Variants in SCGN observed in about 807,000 individuals in gnomAD.
SCGN encodes the protein secretagogin, EF-hand calcium binding protein.
Under a neutral mutation model 39.7 loss-of-function variants are expected in SCGN, and 30 were observed. That is an observed-to-expected ratio of 0.76 (90% confidence interval 0.57 to 1.03). SCGN has a LOEUF of 1.03. Ranked by LOEUF, SCGN falls within the 50% of genes least tolerant of loss-of-function variation. The pLI is 0.00. For synonymous variants in SCGN, 106 were observed against 114.1 expected (o/e 0.93, Z 0.45); for missense variants, 353 against 349.4 (o/e 1.01, Z -0.08).
intron 2 of SCGN, among the ~76,000 whole-genome samples, chr6:25,658,003 C>CTTTTTTTTTTTTTTT (rs759915721): frequency 5.7e-5 from 4 of 70,404 alleles, no homozygotes; most frequent in Non-Finnish European, 8.2e-5. Context: ...GAAAGGTATC[C>CTTTTTTTTTTTTTTT]TTTTTTTTTT....
chr6:25,684,029 A>G (rs1759670757), intron 7 of SCGN, among the ~76,000 whole-genome samples: 1 of 152,210 alleles, frequency 6.6e-6, no homozygotes, highest in South Asian at 2.1e-4. Context: ...TTTCCATGCA[A>G]TGCCAGAAAC....
chr6:25,681,897 C>A, intron 6 of SCGN, 54 bp from the exon 7 acceptor site: 1 of 1,442,888 alleles, frequency 6.9e-7, no homozygotes, highest in East Asian at 2.3e-5. Flanking sequence ...GCTTTAATAA[C>A]GTTCAGAATT....
At position 25,652,447 on chromosome 6, in the gene SCGN, C is replaced by G. The variant is rs1163930497; in HGVS notation, c.44C>G (p.Ala15Gly). The G allele has an allele frequency of 6.2e-7, 1 of 1,614,022 alleles. No homozygotes were observed. The highest frequency in any genetic ancestry group is 1.3e-5 in the African/African-American group (1 of 74,934). ...CCGACTCTGGGGCGCTTGGACGCCG[C>G]TGGCTTCTGGCAGGTCTGGCAGCGC... is the stretch of plus-strand genomic sequence containing the variant. ...REPTLGRLDA[A>G]GFWQVWQRFD... The change falls in exon 1 of 11, where the codon GCT (alanine) becomes GGT (glycine). Residue 15 changes from alanine to glycine, a missense_variant. Coordinates refer to ENST00000377961, the MANE Select transcript of SCGN (RefSeq NM_006998.4).
At chr6:25,675,357 C>G (rs563818388) in intron 6 of SCGN, among the ~76,000 whole-genome samples, 1 of 152,192 alleles carries the variant, frequency 6.6e-6, no homozygotes, top group Non-Finnish European at 1.5e-5. Flanking sequence ...GAGATAAGCC[C>G]GTGCCCAGGC....
chr6:25,681,281 C>A (rs1759634031), intron 6 of SCGN, among the ~76,000 whole-genome samples: 1 of 152,234 alleles, frequency 6.6e-6, no homozygotes, highest in South Asian at 2.1e-4. Flanking sequence ...TGAGGTTTCT[C>A]CTATACCCTA....
Position 25,689,184 on chromosome 6 carries a change from T to G in SCGN, c.540T>G (p.Leu180=). Residue 180 remains leucine, a synonymous_variant, in exon 8 of 11, where the codon CTT becomes CTG. Transcript: ENST00000377961. ...DLNDLARILA[L]QENFLLQFKM... The stretch of plus-strand genomic sequence containing the variant: ...TTTTTCTATTTAGGATTCTGGCTCT[T>G]CAGGAAAACTTCCTTCTCCAATTTA... The G allele has an allele frequency of 6.3e-7, 1 of 1,595,732 alleles. No homozygotes were observed.
At chr6:25,670,120 C>A in intron 6 of SCGN, 44 bp downstream of exon 6, 1 of 1,343,128 alleles carries the variant, frequency 7.4e-7, no homozygotes, top group Non-Finnish European at 1.1e-6. Flanking sequence ...AGCTCCCCCA[C>A]TCCCTCCCCA....
At chr6:25,686,309 G>C (rs1430914876) in intron 7 of SCGN, among the ~76,000 whole-genome samples, 1 of 152,090 alleles carries the variant, frequency 6.6e-6, no homozygotes, top group African/African-American at 2.4e-5. Context: ...TTCTAAAGTG[G>C]CTGCACCATT....
chr6:25,690,228 G>A (rs958999309), intron 9 of SCGN, among the ~76,000 whole-genome samples: 2 of 152,180 alleles, frequency 1.3e-5, no homozygotes, highest in East Asian at 3.8e-4. Context: ...TACCTATGTG[G>A]CCTTGGGCAG....
Position 25,655,984 on chromosome 6 carries a change from G to A in SCGN, c.153+2532G>A, listed in dbSNP as rs533239480. 3.3e-5 allele frequency among the ~76,000 whole-genome samples: 5 copies of A among 152,272 alleles called. No homozygotes were observed. In the East Asian group the frequency reaches 9.6e-4, roughly 29 times the overall value. ...CATTGGATGCCTTTCAAAACGCTGA[G>A]GCATTACTCTGGGGAGTGTGTTTGC... On this transcript the variant is annotated intron_variant, in intron 2 of 10. Coordinates refer to ENST00000377961, the MANE Select transcript of SCGN (RefSeq NM_006998.4).
At position 25,653,408 on chromosome 6, in the gene SCGN, C is replaced by T. The variant is rs762434013; in HGVS notation, c.109C>T (p.Leu37Phe). Residue 37 changes from leucine to phenylalanine, a missense_variant, in exon 2 of 11, where the codon CTC becomes TTC. Transcript: ENST00000377961. ...DEKGYIEEKE[L>F]DAFFLHMLMK... The stretch of plus-strand genomic sequence containing the variant: ...AAAAGGTTACATAGAAGAGAAGGAA[C>T]TCGATGCTTTCTTTCTCCACATGTT... 14 of 1,612,510 alleles carry T rather than the reference C, an allele frequency of 8.7e-6. No individual in the cohort carries two copies. Among genetic ancestry groups the T allele is most frequent in the Non-Finnish European group, 1.2e-5 (14 of 1,178,982 alleles).
chr6:25,663,990 A>G (rs988614450), intron 3 of SCGN, among the ~76,000 whole-genome samples: 3 of 152,192 alleles, frequency 2.0e-5, no homozygotes, highest in Non-Finnish European at 2.9e-5. Context: ...AGAAATGACA[A>G]TTGTTTATGG....
intron 2 of SCGN, among the ~76,000 whole-genome samples, chr6:25,656,720 G>A (rs1317373612): frequency 2.0e-5 from 3 of 152,170 alleles, no homozygotes; most frequent in African/African-American, 7.2e-5. Flanking sequence ...TTTGCTTTAG[G>A]TCAAAGGGAT....
At chr6:25,701,102 T>C in intron 10 of SCGN, 105 bp from the exon 11 acceptor site, 1 of 1,299,168 alleles carries the variant, frequency 7.7e-7, no homozygotes, top group Non-Finnish European at 1.0e-6. Flanking sequence ...GTGGCCTGTC[T>C]CCTTCAAGGC....
chr6:25,674,037 C>A (rs1048835553), intron 6 of SCGN, among the ~76,000 whole-genome samples: 2 of 152,170 alleles, frequency 1.3e-5, no homozygotes, highest in African/African-American at 4.8e-5. Context: ...TGGGAGAAAT[C>A]ATTCACTATA....
At chr6:25,672,990 G>T (rs1482377490) in intron 6 of SCGN, among the ~76,000 whole-genome samples, 2 of 152,200 alleles carry the variant, frequency 1.3e-5, no homozygotes, top group African/African-American at 4.8e-5. Context: ...CCTCAAGGGT[G>T]AGGAGAGCGT....
In SCGN at chr6:25,691,060, A is replaced by C. The variant is rs1487490883; in HGVS notation, c.638A>C (p.Lys213Thr). ...ATTGGATCTTTTCTTTTTCAGAGTAAAACAGGAGCCCTGGAAGGCCCAGAA... is the reference window on the plus strand; with the variant it reads ...ATTGGATCTTTTCTTTTTCAGAGTACAACAGGAGCCCTGGAAGGCCCAGAA... Reference protein sequence around the residue: ...EKIFAYYDVSKTGALEGPEVD... With the variant: ...EKIFAYYDVSTTGALEGPEVD... The change falls in exon 10 of 11, where the codon AAA (lysine) becomes ACA (threonine). Residue 213 changes from lysine to threonine, a missense_variant. By Grantham distance (78) the Lys-to-Thr change is moderately conservative (BLOSUM62 -1). Coordinates refer to ENST00000377961, the MANE Select transcript of SCGN (RefSeq NM_006998.4). The C allele has an allele frequency of 1.2e-5, 19 of 1,613,220 alleles. No homozygotes were observed. The highest frequency in any genetic ancestry group is 1.6e-5 in the Non-Finnish European group (19 of 1,179,536).
intron 10 of SCGN, among the ~76,000 whole-genome samples, chr6:25,692,084 T>A (rs1280902655): frequency 6.6e-6 from 1 of 152,212 alleles, no homozygotes; most frequent in African/African-American, 2.4e-5. Context: ...AGTGGGTCCC[T>A]TGTCTCCTCT....
intron 10 of SCGN, among the ~76,000 whole-genome samples, chr6:25,693,042 TG>T (rs1307051206): frequency 6.6e-6 from 1 of 152,194 alleles, no homozygotes; most frequent in African/African-American, 2.4e-5. Context: ...ATCCATTATA[TG>T]GGCACAACAA....
Sources: allele counts gnomAD v4.1 joint callset (sites outside exome capture counted in the v4.1 genomes callset), GRCh38; gene constraint gnomAD v4.1.1; transcripts MANE v1.5; gene names NCBI Gene and HGNC (gene_info 2026-07-23, HGNC 2026-07-21).